Variants in PCDHB1 observed in about 807,000 individuals in gnomAD.
The protein encoded by PCDHB1 is protocadherin beta 1.
A neutral mutation model predicts 43.5 loss-of-function variants in PCDHB1; 44 were observed. The ratio of observed to expected loss-of-function variants is 1.01; its 90% CI spans 0.79 to 1.30. The LOEUF (loss-of-function observed/expected upper bound fraction) is 1.30. PCDHB1 is among the 50% of genes most tolerant of loss of function. The pLI, the probability that PCDHB1 is intolerant of heterozygous loss-of-function variation, is 0.00. For missense variants in PCDHB1, 919 were observed against 1,008.9 expected, an observed-to-expected ratio of 0.91 and a Z score of 1.21; for synonymous variants, 392 against 400.8, an observed-to-expected ratio of 0.98 and a Z score of 0.26.
chr5:141,054,001 T>G lies in PCDHB1; in HGVS notation c.*74T>G. ...GGTATGCAAAGATGTTACATCCTCA[T>G]TAAAACAAAAACTGGTAGTAGATTG... On this transcript the variant is annotated 3_prime_UTR_variant, in exon 1 of 1. Coordinates refer to ENST00000306549, the MANE Select transcript of PCDHB1 (RefSeq NM_013340.4). 7.7e-7 allele frequency: 1 copy of G among 1,305,530 alleles called. No individual in the cohort carries two copies. The allele number at this position is 1,305,530 out of a possible 1,614,324, so 80.9% of individuals were successfully genotyped here. A position where few individuals can be genotyped will look rare whatever the true frequency, so the allele number is the denominator to read the frequency against.
rs183760905 is a variant in PCDHB1 at position 141,055,857 on chromosome 5, A to G, written c.*1930A>G. On this transcript the variant is annotated 3_prime_UTR_variant, in exon 1 of 1. Transcript: ENST00000306549. The stretch of plus-strand genomic sequence containing the variant: ...AATAAGCCAATGTTAAAACATTAAC[A>G]TATTTCAGGGATTCTCCCAACACTG... 3 of 152,360 alleles carry G rather than the reference A, an allele frequency of 2.0e-5. No homozygotes were observed. The highest frequency in any genetic ancestry group is 4.8e-5 in the African/African-American group (2 of 41,596). 9.4% of individuals were successfully genotyped at this position (152,360 alleles called of 1,614,324 possible). A position where few individuals can be genotyped will look rare whatever the true frequency, so the allele number is the denominator to read the frequency against.
rs1751112070 is a variant in PCDHB1 at position 141,055,407 on chromosome 5, G to C, written c.*1480G>C. 1 of 152,240 alleles carries C rather than the reference G, an allele frequency of 6.6e-6. No homozygotes were observed. 9.4% of individuals were successfully genotyped at this position (152,240 alleles called of 1,614,324 possible). On this transcript the variant is annotated 3_prime_UTR_variant, in exon 1 of 1. Coordinates refer to ENST00000306549, the MANE Select transcript of PCDHB1 (RefSeq NM_013340.4). ...CCACTGCACTCCAGCCTGGGCAACA[G>C]AGTGAGACGCTGTCTCAAAAACATA...
chr5:141,056,400 G>A lies in PCDHB1; in HGVS notation c.*2473G>A, dbSNP rs1437263529. 1 of 152,148 alleles carries A rather than the reference G, an allele frequency of 6.6e-6. No individual in the cohort carries two copies. Among genetic ancestry groups the A allele is most frequent in the Admixed American group, 6.5e-5 (1 of 15,272 alleles). The allele number at this position is 152,148 out of a possible 1,614,324, so 9.4% of individuals were successfully genotyped here. ...TTCAATGTTAAAATGTTAAAGAACA[G>A]ATGAAGCAAATGCACTATATCAATG... On this transcript the variant is annotated 3_prime_UTR_variant, in exon 1 of 1. Coordinates refer to ENST00000306549, the MANE Select transcript of PCDHB1 (RefSeq NM_013340.4).
rs781884008 is a variant in PCDHB1 at position 141,052,255 on chromosome 5, C to T, written c.785C>T (p.Ala262Val). 6.2e-7 allele frequency: 1 copy of T among 1,614,164 alleles called. No homozygotes were observed. Among genetic ancestry groups the T allele is most frequent in the East Asian group, 2.2e-5 (1 of 44,878 alleles). ...SENSPNGSLV[A>V]TVTAVDLDEG... ...AACAGCCCCAATGGCTCTTTGGTGG[C>T]CACGGTGACTGCCGTGGACCTAGAC... The change falls in exon 1 of 1, where the codon GCC (alanine) becomes GTC (valine). Residue 262 changes from alanine to valine, a missense_variant. By Grantham distance (64) the Ala-to-Val change is moderately conservative. Transcript: ENST00000306549.
rs1435672161 is a variant in PCDHB1, at chr5:141,058,379, G to T, written c.*4452G>T. 1 of 152,128 alleles carries T rather than the reference G, an allele frequency of 6.6e-6. No homozygotes were observed. Among genetic ancestry groups the T allele is most frequent in the Non-Finnish European group, 1.5e-5 (1 of 68,034 alleles). 9.4% of individuals were successfully genotyped at this position (152,128 alleles called of 1,614,324 possible). ...TTTGTTTTCTCATTATTAAACTGAG[G>T]TAATGCATTATTGGGAAAAATACTG... On this transcript the variant is annotated 3_prime_UTR_variant, in exon 1 of 1. Coordinates refer to ENST00000306549, the MANE Select transcript of PCDHB1 (RefSeq NM_013340.4).
rs1220481278 is a variant in PCDHB1, at chr5:141,055,257, C to G, written c.*1330C>G. The G allele has an allele frequency of 6.6e-6, 1 of 152,354 alleles. No individual in the cohort carries two copies. The highest frequency in any genetic ancestry group is 1.5e-5 in the Non-Finnish European group (1 of 68,148). 9.4% of individuals were successfully genotyped at this position (152,354 alleles called of 1,614,324 possible). A position where few individuals can be genotyped will look rare whatever the true frequency, so the allele number is the denominator to read the frequency against. On this transcript the variant is annotated 3_prime_UTR_variant, in exon 1 of 1. Transcript: ENST00000306549. Reference sequence around the variant, plus strand: ...TGGCTAACATGGCAAAACCCTATCTCTACTAAAAATACAAAAATTAGTCAG... The same window carrying G: ...TGGCTAACATGGCAAAACCCTATCTGTACTAAAAATACAAAAATTAGTCAG...
In PCDHB1 at chr5:141,053,495, G is replaced by A. The variant is rs36090285; in HGVS notation, c.2025G>A (p.Gln675=). The A allele has an allele frequency of 8.6e-4, 1,390 of 1,614,112 alleles. 16 individuals are homozygous for A. In the African/African-American group the frequency reaches 0.016, roughly 18 times the overall value. ...DGFSEPYLQF[Q]DPTKHSRKVN... ...TTTCAGAGCCCTACCTGCAGTTCCAGGATCCAACCAAGCATTCTAGAAAGG... is the reference window on the plus strand; with the variant it reads ...TTTCAGAGCCCTACCTGCAGTTCCAAGATCCAACCAAGCATTCTAGAAAGG... Residue 675 remains glutamine (Q), a synonymous_variant, in exon 1 of 1, where the codon CAG becomes CAA. Coordinates refer to ENST00000306549, the MANE Select transcript of PCDHB1 (RefSeq NM_013340.4).
rs377689870 is a variant in PCDHB1, at chr5:141,053,414, C to T, written c.1944C>T (p.His648=). The T allele has an allele frequency of 2.1e-5, 34 of 1,614,200 alleles. No homozygotes were observed. The highest frequency in any genetic ancestry group is 6.7e-5 in the East Asian group (3 of 44,886). The change falls in exon 1 of 1, where the codon CAC becomes CAT. Residue 648 remains histidine, a synonymous_variant. Transcript: ENST00000306549. ...MQKLIILVQD[H]GQPALSTTVS... is the part of the protein sequence containing the mutation. The stretch of plus-strand genomic sequence containing the variant: ...AATTGATCATTCTTGTTCAGGATCA[C>T]GGCCAACCAGCTCTTTCCACTACTG...
Position 141,055,038 on chromosome 5 carries a change from A to C in PCDHB1, c.*1111A>C, listed in dbSNP as rs1464666203. 6.6e-6 allele frequency: 1 copy of C among 152,118 alleles called. No homozygotes were observed. Among genetic ancestry groups the C allele is most frequent in the Non-Finnish European group, 1.5e-5 (1 of 68,030 alleles). The allele number at this position is 152,118 out of a possible 1,614,324, so 9.4% of individuals were successfully genotyped here. A position where few individuals can be genotyped will look rare whatever the true frequency, so the allele number is the denominator to read the frequency against. On this transcript the variant is annotated 3_prime_UTR_variant, in exon 1 of 1. Coordinates refer to ENST00000306549, the MANE Select transcript of PCDHB1 (RefSeq NM_013340.4). ...TGTTTGGAGCCATAGGCAAGTCTCAAATCTCCCTCTTTTATATCCAGATGT... is the reference window on the plus strand; with the variant it reads ...TGTTTGGAGCCATAGGCAAGTCTCACATCTCCCTCTTTTATATCCAGATGT...
rs180961261 is a variant in PCDHB1 at position 141,055,600 on chromosome 5, C to A, written c.*1673C>A. The A allele has an allele frequency of 4.0e-4, 61 of 152,204 alleles. No individual in the cohort carries two copies. The highest frequency in any genetic ancestry group is 1.0e-3 in the Admixed American group (16 of 15,292). 9.4% of individuals were successfully genotyped at this position (152,204 alleles called of 1,614,324 possible). On this transcript the variant is annotated 3_prime_UTR_variant, in exon 1 of 1. Coordinates refer to ENST00000306549, the MANE Select transcript of PCDHB1 (RefSeq NM_013340.4). ...AAAAAGACATTAAAATTAAAAAGTT[C>A]ATTAATACTAATTAAGTGGCATTAA...
chr5:141,056,841 G>A lies in PCDHB1; in HGVS notation c.*2914G>A, dbSNP rs554616715. ...TCGCTATGTTGGCCAGGCTGGTCTCGAGCTCCTGATCTCAGGTGATCCACC... is the reference window on the plus strand; with the variant it reads ...TCGCTATGTTGGCCAGGCTGGTCTCAAGCTCCTGATCTCAGGTGATCCACC... On this transcript the variant is annotated 3_prime_UTR_variant, in exon 1 of 1. Transcript: ENST00000306549. 81 of 152,286 alleles carry A rather than the reference G, an allele frequency of 5.3e-4. No individual in the cohort carries two copies. Among genetic ancestry groups the A allele is most frequent in the African/African-American group, 1.6e-3 (65 of 41,564 alleles). 9.4% of individuals were successfully genotyped at this position (152,286 alleles called of 1,614,324 possible).
At position 141,051,909 on chromosome 5, in the gene PCDHB1, C is replaced by G. The variant is rs1352340151; in HGVS notation, c.439C>G (p.Pro147Ala). The G allele has an allele frequency of 6.2e-7, 1 of 1,614,162 alleles. No homozygotes were observed. The highest frequency in any genetic ancestry group is 2.2e-5 in the East Asian group (1 of 44,860). ...EPLLKIPESTPLGSRFPLQSA... is the reference protein window; with the variant it reads ...EPLLKIPESTALGSRFPLQSA... ...GCTTTTAAAGATTCCGGAGAGCACC[C>G]CTTTGGGTTCACGTTTTCCTCTGCA... The change falls in exon 1 of 1, where the codon CCT (proline) becomes GCT (alanine). Residue 147 changes from proline to alanine, a missense_variant. Coordinates refer to ENST00000306549, the MANE Select transcript of PCDHB1 (RefSeq NM_013340.4).
In PCDHB1 at chr5:141,053,907, G is replaced by A. The variant is rs781806837; in HGVS notation, c.2437G>A (p.Val813Ile). Residue 813 changes from valine to isoleucine, a missense_variant, in exon 1 of 1, where the codon GTA (valine) becomes ATA (isoleucine). Transcript: ENST00000306549. The stretch of plus-strand genomic sequence containing the variant: ...TCAGAGATTAGAGGGCCATGACCAG[G>A]TATCTGATGACTATATGTAGCTCCT... ...KSQRLEGHDQ[V>I]SDDYM The A allele has an allele frequency of 1.2e-6, 2 of 1,613,694 alleles. No individual in the cohort carries two copies. Among genetic ancestry groups the A allele is most frequent in the East Asian group, 4.5e-5 (2 of 44,874 alleles).
In PCDHB1 at chr5:141,053,917, A is replaced by C; in HGVS notation, c.2447A>C (p.Asp816Ala). 1 of 1,612,122 alleles carries C rather than the reference A, an allele frequency of 6.2e-7. No individual in the cohort carries two copies. The highest frequency in any genetic ancestry group is 8.5e-7 in the Non-Finnish European group (1 of 1,178,882). Residue 816 changes from aspartate to alanine, a missense_variant, in exon 1 of 1, where the codon GAC becomes GCC. Physicochemically the swap from Asp to Ala is moderately radical, Grantham distance 126. Coordinates refer to ENST00000306549, the MANE Select transcript of PCDHB1 (RefSeq NM_013340.4). The part of the protein sequence containing the change: ...RLEGHDQVSD[D>A]YM ...GAGGGCCATGACCAGGTATCTGATG[A>C]CTATATGTAGCTCCTATTTACAGGC...
chr5:141,052,211 C>T lies in PCDHB1; in HGVS notation c.741C>T (p.Tyr247=). The T allele has an allele frequency of 1.9e-6, 3 of 1,614,150 alleles. No homozygotes were observed. The highest frequency in any genetic ancestry group is 2.2e-5 in the South Asian group (2 of 91,082). Residue 247 remains tyrosine (Y), a synonymous_variant, in exon 1 of 1, where the codon TAC becomes TAT. Transcript: ENST00000306549. ...DHVPQFSRLV[Y]RAQVSENSPN... is the part of the protein sequence containing the mutation. ...TGCCCCAGTTCTCGCGACTGGTGTA[C>T]AGAGCCCAGGTATCAGAGAACAGCC...
chr5:141,051,931 T>C lies in PCDHB1; in HGVS notation c.461T>C (p.Leu154Pro). 3.7e-6 allele frequency: 6 copies of C among 1,614,170 alleles called. No individual in the cohort carries two copies. The highest frequency in any genetic ancestry group is 5.1e-6 in the Non-Finnish European group (6 of 1,180,022). Residue 154 changes from leucine (L) to proline (P), a missense_variant, in exon 1 of 1, where the codon CTG (leucine) becomes CCG (proline). Transcript: ENST00000306549. ...ESTPLGSRFP[L>P]QSAQDLDVGL... Reference sequence around the variant, plus strand: ...ACCCCTTTGGGTTCACGTTTTCCTCTGCAGAGCGCCCAGGATCTGGACGTG... The same window carrying C: ...ACCCCTTTGGGTTCACGTTTTCCTCCGCAGAGCGCCCAGGATCTGGACGTG...
rs909669156 is a variant in PCDHB1 at position 141,056,824 on chromosome 5, T to G, written c.*2897T>G. 5 of 152,244 alleles carry G rather than the reference T, an allele frequency of 3.3e-5. No homozygotes were observed. The highest frequency in any genetic ancestry group is 7.2e-5 in the African/African-American group (3 of 41,456). The allele number at this position is 152,244 out of a possible 1,614,324, so 9.4% of individuals were successfully genotyped here. ...TTCGCCATGTTGGCATTTCGCTATG[T>G]TGGCCAGGCTGGTCTCGAGCTCCTG... On this transcript the variant is annotated 3_prime_UTR_variant, in exon 1 of 1. Coordinates refer to ENST00000306549, the MANE Select transcript of PCDHB1 (RefSeq NM_013340.4).
At position 141,051,550 on chromosome 5, in the gene PCDHB1, A is replaced by G. The variant is rs2154005361; in HGVS notation, c.80A>G (p.Asp27Gly). 1 of 1,614,206 alleles carries G rather than the reference A, an allele frequency of 6.2e-7. No homozygotes were observed. Among genetic ancestry groups the G allele is most frequent in the Non-Finnish European group, 8.5e-7 (1 of 1,180,026 alleles). ...ATTTTTCTGTGCATATCTGTGGGGG[A>G]TGCGACAACTATCCGCTATTCAGTG... The part of the protein sequence containing the change: ...LLIFLCISVG[D>G]ATTIRYSVAE... Residue 27 changes from aspartate to glycine, a missense_variant, in exon 1 of 1, where the codon GAT (aspartate) becomes GGT (glycine). Physicochemically the swap from Asp to Gly is moderately conservative, Grantham distance 94. Coordinates refer to ENST00000306549, the MANE Select transcript of PCDHB1 (RefSeq NM_013340.4).
chr5:141,053,941 G>A lies in PCDHB1; in HGVS notation c.*14G>A. 6.3e-7 allele frequency: 1 copy of A among 1,582,614 alleles called. No individual in the cohort carries two copies. The highest frequency in any genetic ancestry group is 8.6e-7 in the Non-Finnish European group (1 of 1,164,982). On this transcript the variant is annotated 3_prime_UTR_variant, in exon 1 of 1. Transcript: ENST00000306549. ...GACTATATGTAGCTCCTATTTACAG[G>A]CTCAGTGAGAGAAGAGAAGCAAAAT... is the stretch of plus-strand genomic sequence containing the variant.
Sources: allele counts gnomAD v4.1 joint callset, GRCh38; gene constraint gnomAD v4.1.1; transcripts MANE v1.5; gene names NCBI Gene and HGNC (gene_info 2026-07-23, HGNC 2026-07-21).